MARCHF1: variants seen among roughly 807,000 people sequenced by gnomAD.
The protein encoded by MARCHF1 is membrane associated ring-CH-type finger 1.
A neutral mutation model predicts 54.2 loss-of-function variants in MARCHF1; 40 were observed. The ratio of observed to expected loss-of-function variants is 0.74; its 90% confidence interval spans 0.57 to 0.96. The LOEUF is 0.96. MARCHF1 is among the 40% of genes least tolerant of loss of function. MARCHF1 has a pLI of 0.00. For synonymous variants in MARCHF1, 236 were observed against 236.3 expected, an observed-to-expected ratio of 1.00 and a Z score of 0.01; for missense variants, 586 against 656.5, an observed-to-expected ratio of 0.89 and a Z score of 1.17.
intron 1 of MARCHF1, among the ~76,000 whole-genome samples, chr4:164,161,715 G>A (rs1730244516): frequency 6.6e-6 from 1 of 152,082 alleles, no homozygotes; most frequent in Non-Finnish European, 1.5e-5. Flanking sequence ...GGCAAAATCA[G>A]GAGTCTTCTT....
At chr4:164,081,735 C>A (rs879920606) in intron 2 of MARCHF1, among the ~76,000 whole-genome samples, 5 of 150,480 alleles carry the variant, frequency 3.3e-5, no homozygotes, top group African/African-American at 5.0e-5. Flanking sequence ...TGCACACACA[C>A]ACACATACAC....
chr4:164,074,498 T>C (rs549074869), intron 2 of MARCHF1, among the ~76,000 whole-genome samples: 2 of 152,190 alleles, frequency 1.3e-5, no homozygotes, highest in Non-Finnish European at 2.9e-5. Flanking sequence ...GAAATTAATA[T>C]AAATAGCATA....
chr4:164,069,464 T>C (rs113463448), intron 2 of MARCHF1, among the ~76,000 whole-genome samples: 5,967 of 152,080 alleles, frequency 0.039, 244 homozygotes, highest in African/African-American at 0.11. Context: ...CGCGAAGGTC[T>C]GCAGCTTCCC....
intron 4 of MARCHF1, among the ~76,000 whole-genome samples, chr4:163,817,883 T>C (rs1748585173): frequency 7.0e-6 from 1 of 143,268 alleles, no homozygotes; most frequent in Non-Finnish European, 1.5e-5. Flanking sequence ...ACACCGCATG[T>C]TCTCACTCAT....
intron 5 of MARCHF1, among the ~76,000 whole-genome samples, chr4:163,637,308 C>G (rs1283680427): frequency 6.6e-6 from 1 of 152,000 alleles, no homozygotes; most frequent in East Asian, 1.9e-4. Flanking sequence ...AGTGAACAGG[C>G]AAGCTACAAA....
chr4:164,112,806 T>C (rs193143006), intron 1 of MARCHF1, among the ~76,000 whole-genome samples: 180 of 152,000 alleles, frequency 1.2e-3, no homozygotes, highest in African/African-American at 4.2e-3. Flanking sequence ...AAAGAATATA[T>C]TGCATAGAAC....
chr4:164,305,694 T>C (rs1040964678), intron 1 of MARCHF1, among the ~76,000 whole-genome samples: 4 of 152,180 alleles, frequency 2.6e-5, no homozygotes, highest in African/African-American at 7.2e-5. Context: ...CTTCTGCATA[T>C]TTTACACATG....
At chr4:163,938,021 T>C (rs1231573754) in intron 3 of MARCHF1, among the ~76,000 whole-genome samples, 1 of 152,164 alleles carries the variant, frequency 6.6e-6, no homozygotes, top group Non-Finnish European at 1.5e-5. Flanking sequence ...ATAAAATCTT[T>C]TTTAAAAACA....
chr4:163,749,224 ATAAT>A, intron 4 of MARCHF1, among the ~76,000 whole-genome samples: 1 of 67,792 alleles, frequency 1.5e-5, no homozygotes, highest in East Asian at 2.0e-4. Context: ...GTATATAAAC[ATAAT>A]TAATTTTTTG....
chr4:164,281,512 C>T (rs1425102258), intron 1 of MARCHF1, among the ~76,000 whole-genome samples: 1 of 151,918 alleles, frequency 6.6e-6, no homozygotes, highest in Non-Finnish European at 1.5e-5. Context: ...AAGTGTTACC[C>T]AAAAACAGAG....
At chr4:164,180,764 G>A (rs1730811367) in intron 1 of MARCHF1, among the ~76,000 whole-genome samples, 1 of 152,116 alleles carries the variant, frequency 6.6e-6, no homozygotes, top group Non-Finnish European at 1.5e-5. Context: ...GATTTAGTAA[G>A]TAATAAGTAA....
rs371420698 is a variant in MARCHF1, at chr4:163,778,386, A to C, written c.111+75635T>G. Among the ~76,000 whole-genome samples the C allele has an allele frequency of 9.2e-5, 14 of 152,210 alleles. No homozygotes were observed. The East Asian group carries it at 1.9e-3, about 21-fold the overall frequency. On this transcript the variant is annotated intron_variant, in intron 4 of 9. Transcript: ENST00000514618. ...AATATCTGGCATTGTCAGTCTTTTG[A>C]ATTTTAGCCATTCTAGTGGTATGTG...
chr4:163,781,117 G>T (rs564214675), intron 4 of MARCHF1, among the ~76,000 whole-genome samples: 18 of 148,176 alleles, frequency 1.2e-4, no homozygotes, highest in Non-Finnish European at 1.2e-4. Flanking sequence ...GCCAAGGGGC[G>T]GGGGGGGTGG....
intron 4 of MARCHF1, among the ~76,000 whole-genome samples, chr4:163,724,186 G>A (rs1214810321): frequency 6.6e-6 from 1 of 152,186 alleles, no homozygotes; most frequent in Non-Finnish European, 1.5e-5. Flanking sequence ...TCATGGTGAT[G>A]TGCAGATGGG....
chr4:164,026,999 A>T (rs1753783601), intron 2 of MARCHF1, among the ~76,000 whole-genome samples: 1 of 152,074 alleles, frequency 6.6e-6, no homozygotes, highest in African/African-American at 2.4e-5. Context: ...AGCCACAAAA[A>T]ATGAAATACC....
At chr4:163,809,451 T>C (rs1487248682) in intron 4 of MARCHF1, among the ~76,000 whole-genome samples, 1 of 152,184 alleles carries the variant, frequency 6.6e-6, no homozygotes, top group East Asian at 1.9e-4. Context: ...ATAAATACCA[T>C]TTCTGCCCAT....
At chr4:164,196,763 TA>T (rs1223399941) in intron 1 of MARCHF1, among the ~76,000 whole-genome samples, 7 of 152,058 alleles carry the variant, frequency 4.6e-5, no homozygotes, top group Non-Finnish European at 5.9e-5. Flanking sequence ...TTACAAATAT[TA>T]TTTTATTTGG....
chr4:163,978,718 T>C (rs1752698614), intron 3 of MARCHF1, among the ~76,000 whole-genome samples: 1 of 151,990 alleles, frequency 6.6e-6, no homozygotes, highest in South Asian at 2.1e-4. Context: ...TTTACTTCTC[T>C]TTTGTTGTTG....
intron 3 of MARCHF1, chr4:163,932,997 C>A (rs1751713497): frequency 4.3e-6 from 4 of 936,532 alleles, no homozygotes; most frequent in African/African-American, 1.7e-5. Flanking sequence ...GAAAGAGATA[C>A]AATCCACACA....
Sources: allele counts gnomAD v4.1 joint callset (sites outside exome capture counted in the v4.1 genomes callset), GRCh38; gene constraint gnomAD v4.1.1; transcripts MANE v1.5; gene names NCBI Gene and HGNC (gene_info 2026-07-23, HGNC 2026-07-21).